The following RAB27A variants were observed in gnomAD, a reference collection of about 807,000 sequenced individuals.
RAB27A encodes the protein ras-related protein Rab-27A.
RAB27A carries 17 observed loss-of-function variants against 20.8 expected under a neutral mutation model. The ratio of observed to expected loss-of-function variants is 0.82; its 90% CI spans 0.56 to 1.23. The LOEUF (loss-of-function observed/expected upper bound fraction) is 1.23. RAB27A is among the 50% of genes most tolerant of loss of function. RAB27A has a pLI of 0.00. For missense variants in RAB27A, 277 were observed against 266.7 expected, an observed-to-expected ratio of 1.04 and a Z score of -0.27; for synonymous variants, 85 against 92.8, an observed-to-expected ratio of 0.92 and a Z score of 0.48.
At position 55,265,699 on chromosome 15, in the gene RAB27A, T is replaced by C. The variant is rs73413654; in HGVS notation, c.-23+4466A>G. Among the ~76,000 whole-genome samples the C allele has an allele frequency of 9.2e-3, 1,397 of 151,192 alleles. 21 individuals are homozygous for C. Among genetic ancestry groups the C allele is most frequent in the African/African-American group, 0.033 (1,351 of 41,254 alleles). On this transcript the variant is annotated intron_variant, in intron 2 of 6. Transcript: ENST00000336787. Reference sequence around the variant, plus strand: ...AGGGAACACATCTTGGGCTGACTGATGCGGGCAGGTAAGGGTTTGAGGGTT... The same window carrying C: ...AGGGAACACATCTTGGGCTGACTGACGCGGGCAGGTAAGGGTTTGAGGGTT...
chr15:55,241,210 G>A (rs1896465692), intron 2 of RAB27A, among the ~76,000 whole-genome samples: 2 of 152,144 alleles, frequency 1.3e-5, no homozygotes, highest in Non-Finnish European at 2.9e-5. Context: ...TTGAAGCCAA[G>A]GTTATATATT....
chr15:55,227,907 C>T (rs1198962491), intron 5 of RAB27A, among the ~76,000 whole-genome samples: 1 of 152,128 alleles, frequency 6.6e-6, no homozygotes, highest in African/African-American at 2.4e-5. Context: ...CTAATAGATT[C>T]TCTAGGGTTA....
intron 2 of RAB27A, among the ~76,000 whole-genome samples, chr15:55,297,851 C>T (rs926449737): frequency 1.3e-5 from 2 of 151,964 alleles, no homozygotes; most frequent in African/African-American, 2.4e-5. Context: ...AATAAAAAAC[C>T]ATCAACAAAC....
intron 2 of RAB27A, among the ~76,000 whole-genome samples, chr15:55,253,092 A>G (rs1174620942): frequency 6.6e-6 from 1 of 151,424 alleles, no homozygotes; most frequent in African/African-American, 2.4e-5. Flanking sequence ...AGATCGTGCC[A>G]CTGCACTCCA....
intron 2 of RAB27A, among the ~76,000 whole-genome samples, chr15:55,247,866 C>T (rs1392019771): frequency 1.3e-5 from 2 of 151,774 alleles, no homozygotes; most frequent in East Asian, 1.9e-4. Flanking sequence ...ACAAAGACTA[C>T]TAAGAGGCAC....
At chr15:55,236,981 C>T (rs1369508296) in intron 2 of RAB27A, among the ~76,000 whole-genome samples, 4 of 152,044 alleles carry the variant, frequency 2.6e-5, no homozygotes, top group Non-Finnish European at 4.4e-5. Flanking sequence ...ACACATTAAC[C>T]AACCTCTCTC....
intron 6 of RAB27A, among the ~76,000 whole-genome samples, 183 bp from the exon 7 acceptor site, chr15:55,205,888 G>C (rs1280297438): frequency 6.6e-6 from 1 of 152,128 alleles, no homozygotes; most frequent in Non-Finnish European, 1.5e-5. Flanking sequence ...ATTTCCAGTA[G>C]ATATGCAAAA....
chr15:55,204,319 G>C lies in RAB27A; in HGVS notation c.*1188C>G, dbSNP rs921165644. 1 of 152,114 alleles carries C rather than the reference G, an allele frequency of 6.6e-6. No homozygotes were observed. Among genetic ancestry groups the C allele is most frequent in the Non-Finnish European group, 1.5e-5 (1 of 68,016 alleles). The allele number at this position is 152,114 out of a possible 1,614,324, so 9.4% of individuals were successfully genotyped here. On this transcript the variant is annotated 3_prime_UTR_variant, in exon 7 of 7. Coordinates refer to ENST00000336787, the MANE Select transcript of RAB27A (RefSeq NM_183235.3). ...CAATGCAGCGGAATAAATGATCTTG[G>C]CAAGACCCAGCAAGTACAGTAAATG...
chr15:55,210,756 C>G (rs1318593467), intron 6 of RAB27A, among the ~76,000 whole-genome samples: 1 of 151,974 alleles, frequency 6.6e-6, no homozygotes, highest in Non-Finnish European at 1.5e-5. Context: ...TGTGTAGAAG[C>G]TTTTTAGCTT....
intron 1 of RAB27A, among the ~76,000 whole-genome samples, chr15:55,271,653 AATCTTGAAGACAGGGGTTGT>A (rs1437027111): frequency 6.6e-6 from 1 of 152,228 alleles, no homozygotes; most frequent in Non-Finnish European, 1.5e-5. Flanking sequence ...GCTTTGTGAC[AATCTTGAAGACAGGGGTTGT>A]ATCTTGTTTT....
intron 1 of RAB27A, among the ~76,000 whole-genome samples, chr15:55,318,250 A>C (rs1446458861): frequency 3.3e-5 from 5 of 151,192 alleles, no homozygotes; most frequent in Non-Finnish European, 5.9e-5. Flanking sequence ...GGCGCGTGTC[A>C]CCACACCCGG....
chr15:55,319,023 C>T (rs1034451326), exon 1 of RAB27A: 2 of 532,348 alleles, frequency 3.8e-6, no homozygotes, highest in African/African-American at 3.9e-5. Context: ...TTTCGGACCC[C>T]CGAGCACAGA....
Position 55,230,480 on chromosome 15 carries a change from T to C in RAB27A, c.160A>G (p.Arg54Gly). The C allele has an allele frequency of 6.2e-7, 1 of 1,613,046 alleles. No individual in the cohort carries two copies. Among genetic ancestry groups the C allele is most frequent in the Non-Finnish European group, 8.5e-7 (1 of 1,179,124 alleles). The change falls in exon 4 of 7, where the codon AGA becomes GGA. Residue 54 changes from arginine to glycine, a missense_variant. By Grantham distance (125) the Arg-to-Gly change is moderately radical. Transcript: ENST00000336787. Reference sequence around the variant, plus strand: ...GTGGCTCCATCCGGCCCACTGGCTCTGTACACCTAAAACAGCAAAGTGAAA... The same window carrying C: ...GTGGCTCCATCCGGCCCACTGGCTCCGTACACCTAAAACAGCAAAGTGAAA... ...IDFREKRVVYRASGPDGATGR... is the reference protein window; with the variant it reads ...IDFREKRVVYGASGPDGATGR...
chr15:55,306,732 A>ATG (rs2054998452), intron 2 of RAB27A, among the ~76,000 whole-genome samples: 1 of 152,150 alleles, frequency 6.6e-6, no homozygotes, highest in Non-Finnish European at 1.5e-5. Context: ...CTCCTATACG[A>ATG]TGGGGCATCA....
chr15:55,205,752 G>A (rs368402410), intron 6 of RAB27A, 47 bp from the exon 7 acceptor site: 1 of 1,485,216 alleles, frequency 6.7e-7, no homozygotes, highest in African/African-American at 1.4e-5. Flanking sequence ...AGGGAAAGGA[G>A]AGTGACCTTT....
Position 55,228,591 on chromosome 15 carries a change from G to A in RAB27A, c.343+18C>T, listed in dbSNP as rs775228342. 1.3e-6 allele frequency: 2 copies of A among 1,538,312 alleles called. No homozygotes were observed. The highest frequency in any genetic ancestry group is 2.2e-5 in the South Asian group (2 of 89,480). ...GAGGGGACTGTGTAGCAGGACACTGGGGAACAATAACACTTACTTATCCAG... is the reference window on the plus strand; with the variant it reads ...GAGGGGACTGTGTAGCAGGACACTGAGGAACAATAACACTTACTTATCCAG... On this transcript the variant is annotated intron_variant, in intron 5 of 6. Coordinates refer to ENST00000336787, the MANE Select transcript of RAB27A (RefSeq NM_183235.3).
intron 2 of RAB27A, among the ~76,000 whole-genome samples, chr15:55,250,292 A>G (rs1469924328): frequency 6.6e-6 from 1 of 152,106 alleles, no homozygotes; most frequent in East Asian, 1.9e-4. Flanking sequence ...TAAAAACTGG[A>G]ATAAAAAAAA....
intron 1 of RAB27A, among the ~76,000 whole-genome samples, chr15:55,288,512 C>T (rs1215951235): frequency 6.6e-6 from 1 of 151,590 alleles, no homozygotes; most frequent in Non-Finnish European, 1.5e-5. Context: ...CAGAGTGAGA[C>T]TCTGTCTCAA....
At chr15:55,233,237 A>C (rs1027089766) in intron 3 of RAB27A, among the ~76,000 whole-genome samples, 3 of 152,214 alleles carry the variant, frequency 2.0e-5, no homozygotes, top group Admixed American at 1.3e-4. Context: ...TGGCACAAAA[A>C]TATGGGAGAA....
Sources: allele counts gnomAD v4.1 joint callset (sites outside exome capture counted in the v4.1 genomes callset), GRCh38; gene constraint gnomAD v4.1.1; transcripts MANE v1.5; gene names NCBI Gene and HGNC (gene_info 2026-07-23, HGNC 2026-07-21).